GRHL2: variants seen among roughly 807,000 people sequenced by gnomAD.
GRHL2 encodes the protein grainyhead-like protein 2 homolog.
In GRHL2, 21 loss-of-function variants were observed where a neutral mutation model predicts 83.8. That is an observed-to-expected ratio of 0.25 (90% CI 0.18 to 0.36). The LOEUF is 0.36. Among genes scored for constraint, GRHL2 ranks in the 10% least tolerant of loss-of-function variants. The pLI is 1.00. For synonymous variants in GRHL2, 280 were observed against 278.9 expected (o/e 1.00, Z -0.04); for missense variants, 623 against 781.8 (o/e 0.80, Z 2.42).
intron 6 of GRHL2, among the ~76,000 whole-genome samples, chr8:101,576,899 T>A (rs1216455470): frequency 6.6e-6 from 1 of 152,228 alleles, no homozygotes; most frequent in African/African-American, 2.4e-5. Flanking sequence ...TTCACCAATA[T>A]GAATTTGTCT....
At chr8:101,641,295 A>G (rs1410344552) in intron 12 of GRHL2, among the ~76,000 whole-genome samples, 1 of 152,180 alleles carries the variant, frequency 6.6e-6, no homozygotes, top group Non-Finnish European at 1.5e-5. Flanking sequence ...TGAATATAAG[A>G]TGACCTGTTT....
downstream of GRHL2, among the ~76,000 whole-genome samples, chr8:101,670,957 T>A (rs1268197261): frequency 6.6e-6 from 1 of 152,102 alleles, no homozygotes; most frequent in Non-Finnish European, 1.5e-5. Flanking sequence ...CTTTGGGGAC[T>A]CAGGAATTCT....
intron 1 of GRHL2, among the ~76,000 whole-genome samples, chr8:101,538,228 A>C (rs1239840988): frequency 2.0e-5 from 3 of 152,174 alleles, no homozygotes; most frequent in Non-Finnish European, 4.4e-5. Flanking sequence ...TCTCCCCAGC[A>C]AAGCATTCCT....
intron 4 of GRHL2, among the ~76,000 whole-genome samples, chr8:101,568,300 G>A (rs572578516): frequency 1.3e-5 from 2 of 152,364 alleles, no homozygotes; most frequent in African/African-American, 4.8e-5. Flanking sequence ...GGCAAGGCCT[G>A]TGTCCTTGGC....
chr8:101,610,709 G>A (rs893157976), intron 8 of GRHL2, among the ~76,000 whole-genome samples: 2 of 151,008 alleles, frequency 1.3e-5, no homozygotes, highest in Admixed American at 6.6e-5. Context: ...GTCCAAGGCT[G>A]TAGTGCTAGG....
At chr8:101,510,217 G>A (rs528418807) in intron 1 of GRHL2, among the ~76,000 whole-genome samples, 7 of 152,140 alleles carry the variant, frequency 4.6e-5, no homozygotes, top group Middle Eastern at 3.4e-3. Flanking sequence ...GGCTGGTCTC[G>A]AACTCCTGGG....
intron 9 of GRHL2, among the ~76,000 whole-genome samples, chr8:101,626,741 A>G (rs774308083): frequency 6.6e-6 from 1 of 152,118 alleles, no homozygotes; most frequent in African/African-American, 2.4e-5. Context: ...GTAGCAAATT[A>G]TTCTCCTCTG....
intron 14 of GRHL2, among the ~76,000 whole-genome samples, chr8:101,662,320 C>A (rs1813938922): frequency 6.6e-6 from 1 of 152,184 alleles, no homozygotes; most frequent in South Asian, 2.1e-4. Flanking sequence ...GTCTGTCAGG[C>A]CCGCTACTTG....
intron 14 of GRHL2, 44 bp downstream of exon 14, chr8:101,649,543 T>TCTC: frequency 7.0e-7 from 1 of 1,424,248 alleles, no homozygotes; most frequent in Non-Finnish European, 9.9e-7. Context: ...CCTGCTGTGT[T>TCTC]CTCTCTCCTC....
At chr8:101,619,858 A>G (rs910391782) in intron 9 of GRHL2, among the ~76,000 whole-genome samples, 161 bp downstream of exon 9, 14 of 149,088 alleles carry the variant, frequency 9.4e-5, no homozygotes, top group African/African-American at 3.2e-4. Context: ...TTCCTGTTAG[A>G]TATCTAGGAA....
rs559050715 is a variant in GRHL2 at position 101,529,989 on chromosome 8, G to A, written c.21-13252G>A. Among the ~76,000 whole-genome samples the A allele has an allele frequency of 5.5e-4, 84 of 152,272 alleles. 1 individual carries two copies. The highest frequency in any genetic ancestry group is 1.8e-3 in the African/African-American group (74 of 41,548). On this transcript the variant is annotated intron_variant, in intron 1 of 15. Coordinates refer to ENST00000646743, the MANE Select transcript of GRHL2 (RefSeq NM_024915.4). ...GAAGTTACTCTAGGTGTTTTACCAT[G>A]TTATTTCTCTCTCTGGCCCTAGGAA...
At chr8:101,559,818 T>A (rs573188566) in intron 4 of GRHL2, among the ~76,000 whole-genome samples, 2 of 152,316 alleles carry the variant, frequency 1.3e-5, no homozygotes, top group South Asian at 2.1e-4. Context: ...GAAAATTTCC[T>A]TGAAGCTCTT....
intron 15 of GRHL2, 40 bp downstream of exon 15, chr8:101,664,558 A>G: frequency 7.3e-7 from 1 of 1,374,826 alleles, no homozygotes. Flanking sequence ...TTCAAATCAG[A>G]TAAATCCACA....
At chr8:101,614,511 G>A (rs909890591) in intron 8 of GRHL2, among the ~76,000 whole-genome samples, 7 of 143,146 alleles carry the variant, frequency 4.9e-5, no homozygotes, top group South Asian at 4.2e-4. Flanking sequence ...GATTGTTCAC[G>A]GCATTTATAC....
At chr8:101,587,965 G>A (rs1366913607) in intron 7 of GRHL2, among the ~76,000 whole-genome samples, 1 of 152,164 alleles carries the variant, frequency 6.6e-6, no homozygotes, top group Non-Finnish European at 1.5e-5. Context: ...AACTTGCCAA[G>A]TTTTTTCAAA....
chr8:101,620,564 A>G (rs898911056), intron 9 of GRHL2, among the ~76,000 whole-genome samples: 1 of 152,230 alleles, frequency 6.6e-6, no homozygotes, highest in East Asian at 1.9e-4. Context: ...GAGTTGAAAA[A>G]TGTGAACAGC....
chr8:101,563,237 C>A (rs114794003), intron 4 of GRHL2, among the ~76,000 whole-genome samples: 3 of 152,176 alleles, frequency 2.0e-5, no homozygotes, highest in African/African-American at 4.8e-5. Flanking sequence ...AATCCTTAAC[C>A]ATATGACTAC....
chr8:101,577,636 C>A lies in GRHL2; in HGVS notation c.1003+117C>A, dbSNP rs6984024. ...AGCCACAGAGCTCTTATGATGTGCC[C>A]GGCACTAGTCTATGTCAGGACATTT... On this transcript the variant is annotated intron_variant, in intron 7 of 15. Transcript: ENST00000646743. 5.7e-4 allele frequency: 415 copies of A among 734,200 alleles called. 1 individual carries two copies. In the African/African-American group the frequency reaches 6.4e-3, roughly 11 times the overall value. The allele number at this position is 734,200 out of a possible 1,614,324, so 45.5% of individuals were successfully genotyped here.
chr8:101,636,561 A>G (rs1385435604), intron 11 of GRHL2, among the ~76,000 whole-genome samples: 1 of 152,204 alleles, frequency 6.6e-6, no homozygotes, highest in Non-Finnish European at 1.5e-5. Context: ...TCCCGCCAAA[A>G]TGTCTCCTTA....
Sources: allele counts gnomAD v4.1 joint callset (sites outside exome capture counted in the v4.1 genomes callset), GRCh38; gene constraint gnomAD v4.1.1; transcripts MANE v1.5; gene names NCBI Gene and HGNC (gene_info 2026-07-23, HGNC 2026-07-21).